Variants in TTLL2 observed in about 807,000 individuals in gnomAD.
TTLL2 encodes probable tubulin polyglutamylase TTLL2.
A neutral mutation model predicts 7.5 loss-of-function variants in TTLL2; 10 were observed. That is an observed-to-expected ratio of 1.33 (90% CI 0.82 to 2.25). The LOEUF is 2.25. Ranked by LOEUF, TTLL2 falls within the 30% of genes most tolerant of loss-of-function variation. TTLL2 has a pLI of 0.00. For missense variants in TTLL2, 733 were observed against 735.7 expected (o/e 1.00, Z 0.04); for synonymous variants, 284 against 280.3 (o/e 1.01, Z -0.13).
chr6:167,336,697 G>A lies in TTLL2; in HGVS notation c.48-1950G>A, dbSNP rs1047908095. Among the ~76,000 whole-genome samples, 6 of 152,052 alleles carry A rather than the reference G, an allele frequency of 3.9e-5. No homozygotes were observed. In the East Asian group the frequency reaches 1.2e-3, roughly 29 times the overall value. The stretch of plus-strand genomic sequence containing the variant: ...CTGTCCTGTTCCAGAACGGGGGCTC[G>A]GCCTCACCCGTGCAGAACTAAAAAT... On this transcript the variant is annotated intron_variant, in intron 1 of 2. Transcript: ENST00000239587.
At chr6:167,329,934 G>A (rs1778898429) in intron 1 of TTLL2, among the ~76,000 whole-genome samples, 1 of 152,162 alleles carries the variant, frequency 6.6e-6, no homozygotes, top group Non-Finnish European at 1.5e-5. Context: ...ATGTTTCCAT[G>A]TATATGTATA....
chr6:167,328,232 C>A, intron 1 of TTLL2: 1 of 426,618 alleles, frequency 2.3e-6, no homozygotes, highest in Non-Finnish European at 4.7e-6. Flanking sequence ...TCCCTGGGAG[C>A]CGCTCTCTCC....
Position 167,341,967 on chromosome 6 carries a change from C to T in TTLL2, c.*288C>T, listed in dbSNP as rs913671805. ...ACCAGTAATTGAATGTGCTACACTA[C>T]GATTATGCTATGTATGTATTTAAAG... is the stretch of plus-strand genomic sequence containing the variant. On this transcript the variant is annotated 3_prime_UTR_variant, in exon 3 of 3. Transcript: ENST00000239587. 8.6e-6 allele frequency: 3 copies of T among 348,744 alleles called. No homozygotes were observed. Among genetic ancestry groups the T allele is most frequent in the African/African-American group, 2.1e-5 (1 of 47,640 alleles). The allele number at this position is 348,744 out of a possible 1,614,324, so 21.6% of individuals were successfully genotyped here.
intron 1 of TTLL2, among the ~76,000 whole-genome samples, chr6:167,332,548 C>T (rs1237114709): frequency 1.3e-5 from 2 of 150,912 alleles, no homozygotes; most frequent in Non-Finnish European, 2.9e-5. Flanking sequence ...GCCATTTTCA[C>T]GATATTGATT....
chr6:167,328,293 T>C, intron 1 of TTLL2: 6 of 341,942 alleles, frequency 1.8e-5, no homozygotes, highest in South Asian at 1.4e-4. Context: ...TGGGCCCTCA[T>C]CTAGAGATCG....
In TTLL2 at chr6:167,338,706, C is replaced by T. The variant is rs746659712; in HGVS notation, c.107C>T (p.Thr36Ile). The change falls in exon 2 of 3, where the codon ACT becomes ATT. Residue 36 changes from threonine to isoleucine, a missense_variant. Coordinates refer to ENST00000239587, the MANE Select transcript of TTLL2 (RefSeq NM_031949.5). ...AACATTCCATCCGAGGCAAACCACA[C>T]TGAGCAGCCGCCTGCAGGCCTGGGA... is the stretch of plus-strand genomic sequence containing the variant. Reference protein sequence around the residue: ...TLNIPSEANHTEQPPAGLGAR... With the variant: ...TLNIPSEANHIEQPPAGLGAR... The T allele has an allele frequency of 6.2e-7, 1 of 1,614,166 alleles. No individual in the cohort carries two copies. Among genetic ancestry groups the T allele is most frequent in the South Asian group, 1.1e-5 (1 of 91,078 alleles).
At chr6:167,331,575 A>G (rs1404023966) in intron 1 of TTLL2, among the ~76,000 whole-genome samples, 2 of 152,190 alleles carry the variant, frequency 1.3e-5, no homozygotes, top group African/African-American at 4.8e-5. Context: ...CCATGATGGC[A>G]TGAATGACAG....
Position 167,341,606 on chromosome 6 carries a change from C to A in TTLL2, c.1706C>A (p.Ala569Asp). Residue 569 changes from alanine (A) to aspartate (D), a missense_variant, in exon 3 of 3, where the codon GCT becomes GAT. Transcript: ENST00000239587. ...VFPFNEATLG[A>D]SRNGLNVKRI... The stretch of plus-strand genomic sequence containing the variant: ...CCTTTCAATGAAGCAACTCTCGGAG[C>A]TTCCAGGAATGGATTAAATGTCAAA... The A allele has an allele frequency of 1.2e-6, 2 of 1,614,202 alleles. No homozygotes were observed. The highest frequency in any genetic ancestry group is 2.7e-5 in the African/African-American group (2 of 75,038).
chr6:167,327,805 G>A (rs59667554), intron 1 of TTLL2, among the ~76,000 whole-genome samples: 9,625 of 152,216 alleles, frequency 0.063, 787 homozygotes, highest in African/African-American at 0.17. Flanking sequence ...TAAAAGTATA[G>A]GTCTTTTTAT....
chr6:167,334,423 G>A (rs930609202), intron 1 of TTLL2, among the ~76,000 whole-genome samples: 56 of 151,484 alleles, frequency 3.7e-4, no homozygotes, highest in African/African-American at 1.2e-3. Context: ...ATATTCTGTT[G>A]ATTTGGGGTG....
At chr6:167,337,411 G>C (rs996302608) in intron 1 of TTLL2, among the ~76,000 whole-genome samples, 1 of 152,172 alleles carries the variant, frequency 6.6e-6, no homozygotes, top group African/African-American at 2.4e-5. Flanking sequence ...GCCCTGTCTC[G>C]GACGGCGCTC....
chr6:167,325,345 C>T, intron 1 of TTLL2, 125 bp downstream of exon 1: 1 of 897,756 alleles, frequency 1.1e-6, no homozygotes. Context: ...GCACTGGGAC[C>T]CCCGAGGGGC....
intron 1 of TTLL2, among the ~76,000 whole-genome samples, chr6:167,326,533 T>G (rs1023022404): frequency 6.6e-6 from 1 of 152,048 alleles, no homozygotes; most frequent in African/African-American, 2.4e-5. Context: ...CACAAATGGC[T>G]TCAATGACCT....
At chr6:167,330,713 A>G (rs1778909328) in intron 1 of TTLL2, among the ~76,000 whole-genome samples, 1 of 152,132 alleles carries the variant, frequency 6.6e-6, no homozygotes, top group African/African-American at 2.4e-5. Flanking sequence ...ACATGAGGGC[A>G]CCCTGTCCAG....
chr6:167,328,147 T>A (rs952352351), intron 1 of TTLL2: 2 of 456,002 alleles, frequency 4.4e-6, no homozygotes, highest in African/African-American at 4.0e-5. Flanking sequence ...AAAAGACTCT[T>A]AGTTATTTTT....
At position 167,340,208 on chromosome 6, in the gene TTLL2, T is replaced by C. The variant is rs1310001535; in HGVS notation, c.308T>C (p.Leu103Pro). The C allele has an allele frequency of 1.2e-6, 2 of 1,614,102 alleles. No individual in the cohort carries two copies. Among genetic ancestry groups the C allele is most frequent in the Non-Finnish European group, 1.7e-6 (2 of 1,180,016 alleles). The change falls in exon 3 of 3, where the codon CTC becomes CCC. Residue 103 changes from leucine (L) to proline (P), a missense_variant. Coordinates refer to ENST00000239587, the MANE Select transcript of TTLL2 (RefSeq NM_031949.5). ...ACCCCGGCTGTGGTGCAAAGCGTCCTCCTGGAGAGGGGGTGGAATAAGTTT... is the reference window on the plus strand; with the variant it reads ...ACCCCGGCTGTGGTGCAAAGCGTCCCCCTGGAGAGGGGGTGGAATAAGTTT... ...ETTPAVVQSVLLERGWNKFDK... is the reference protein window; with the variant it reads ...ETTPAVVQSVPLERGWNKFDK...
chr6:167,341,275 T>A lies in TTLL2; in HGVS notation c.1375T>A (p.Ser459Thr). Residue 459 changes from serine to threonine, a missense_variant, in exon 3 of 3, where the codon TCG (serine) becomes ACG (threonine). Physicochemically the swap from Ser to Thr is moderately conservative, Grantham distance 58 (BLOSUM62 1). Transcript: ENST00000239587. ...APDCLPYDSL[S>T]FTSRMYNEDD... ...TGACTGTCTTCCTTATGATTCTCTT[T>A]CGTTCACAAGCAGAATGTACAACGA... 1 of 1,613,600 alleles carries A rather than the reference T, an allele frequency of 6.2e-7. No individual in the cohort carries two copies. The highest frequency in any genetic ancestry group is 1.1e-5 in the South Asian group (1 of 91,044).
chr6:167,338,169 G>T (rs1023842123), intron 1 of TTLL2, among the ~76,000 whole-genome samples: 1 of 148,274 alleles, frequency 6.7e-6, no homozygotes, highest in South Asian at 2.2e-4. Flanking sequence ...TAAACACACA[G>T]CACATACAAC....
chr6:167,329,724 C>G (rs115183968), intron 1 of TTLL2, among the ~76,000 whole-genome samples: 7 of 152,020 alleles, frequency 4.6e-5, no homozygotes, highest in African/African-American at 1.5e-4. Flanking sequence ...GCCTTCAGGG[C>G]CTAGCCAGGA....
Sources: allele counts gnomAD v4.1 joint callset (sites outside exome capture counted in the v4.1 genomes callset), GRCh38; gene constraint gnomAD v4.1.1; transcripts MANE v1.5; gene names NCBI Gene and HGNC (gene_info 2026-07-23, HGNC 2026-07-21).